Variants in GSE1 observed in about 807,000 individuals in gnomAD.
GSE1 encodes Gse1 coiled-coil protein, also known as genetic suppressor element 1.
A neutral mutation model predicts 112.6 loss-of-function variants in GSE1; 32 were observed. That is an observed-to-expected ratio of 0.28 (90% CI 0.21 to 0.38). The LOEUF (loss-of-function observed/expected upper bound fraction) is 0.38. Ranked by LOEUF, GSE1 falls within the 10% of genes least tolerant of loss-of-function variation. GSE1 has a pLI of 1.00. For missense variants in GSE1, 2,348 were observed against 1,699.2 expected (o/e 1.38, Z -6.71); for synonymous variants, 1,115 against 735.6 (o/e 1.52, Z -8.35).
At chr16:85,403,544 C>G (rs1229533946) in intron 2 of GSE1, among the ~76,000 whole-genome samples, 2 of 152,194 alleles carry the variant, frequency 1.3e-5, no homozygotes, top group Admixed American at 1.3e-4. Context: ...AATCCCAGCA[C>G]TTTGGGAGGC....
In GSE1 at chr16:85,656,685, C is replaced by T; in HGVS notation, c.1312+20C>T. 6.8e-7 allele frequency: 1 copy of T among 1,477,320 alleles called. No individual in the cohort carries two copies. The highest frequency in any genetic ancestry group is 9.0e-7 in the Non-Finnish European group (1 of 1,116,078). 91.5% of individuals were successfully genotyped at this position (1,477,320 alleles called of 1,614,324 possible). On this transcript the variant is annotated intron_variant, in intron 7 of 15. Transcript: ENST00000253458. ...GAGCAGGTACCTGGGCGTGGGTGGG[C>T]TGTGCTGGGCAAGGTCTCAGCCACC...
intron 1 of GSE1, among the ~76,000 whole-genome samples, chr16:85,204,809 C>T (rs1451252496): frequency 6.6e-6 from 1 of 152,190 alleles, no homozygotes; most frequent in Non-Finnish European, 1.5e-5. Flanking sequence ...CCAGGCCTGC[C>T]CCCCAGTCCC....
chr16:85,654,450 A>T lies in GSE1; in HGVS notation c.599A>T (p.Asn200Ile). 1 of 1,564,158 alleles carries T rather than the reference A, an allele frequency of 6.4e-7. No individual in the cohort carries two copies. Among genetic ancestry groups the T allele is most frequent in the Non-Finnish European group, 8.7e-7 (1 of 1,153,752 alleles). Reference sequence around the variant, plus strand: ...CAGGATTCCCGCTTCCCGCCACTCAAGTAAGTTGGTCGGCGGGGACTTCGG... The same window carrying T: ...CAGGATTCCCGCTTCCCGCCACTCATGTAAGTTGGTCGGCGGGGACTTCGG... Reference protein sequence around the residue: ...VVQDSRFPPLNLQRPVHHVVP... With the variant: ...VVQDSRFPPLILQRPVHHVVP... Residue 200 changes from asparagine to isoleucine, a missense_variant and splice_region_variant, in exon 4 of 16, where the codon AAC becomes ATC. By Grantham distance (149) the Asn-to-Ile change is moderately radical. Transcript: ENST00000253458.
chr16:85,436,992 G>A (rs897696450), intron 2 of GSE1, among the ~76,000 whole-genome samples: 6 of 152,230 alleles, frequency 3.9e-5, no homozygotes, highest in Admixed American at 2.0e-4. Flanking sequence ...TCGACGCGGC[G>A]GAGCCCGGGC....
chr16:85,516,734 C>T (rs1598031191), intron 2 of GSE1, among the ~76,000 whole-genome samples: 1 of 151,334 alleles, frequency 6.6e-6, no homozygotes, highest in Non-Finnish European at 1.5e-5. Flanking sequence ...AGGTGGTATT[C>T]GTAGCGTTAC....
chr16:85,618,220 G>A (rs1052270456), intron 1 of GSE1, among the ~76,000 whole-genome samples: 6 of 152,044 alleles, frequency 3.9e-5, no homozygotes, highest in South Asian at 2.1e-4. Flanking sequence ...AGGGGGGTGC[G>A]TGCTAATGGT....
At chr16:85,358,630 C>G (rs150131957) in intron 2 of GSE1, among the ~76,000 whole-genome samples, 1 of 152,164 alleles carries the variant, frequency 6.6e-6, no homozygotes, top group Non-Finnish European at 1.5e-5. Flanking sequence ...TGATCTGGGA[C>G]CTCCATCTGC....
chr16:85,330,612 C>T (rs1025092509), intron 1 of GSE1, among the ~76,000 whole-genome samples: 1 of 152,212 alleles, frequency 6.6e-6, no homozygotes, highest in Admixed American at 6.5e-5. Flanking sequence ...CTGCCTCTGC[C>T]GATCCAGGAA....
chr16:85,260,705 GC>G (rs1021866676), intron 1 of GSE1, among the ~76,000 whole-genome samples: 1 of 152,198 alleles, frequency 6.6e-6, no homozygotes, highest in African/African-American at 2.4e-5. Flanking sequence ...GCCCTTTCTG[GC>G]CCCCCGTGCT....
At chr16:85,463,140 C>T in intron 2 of GSE1, 1 of 982,980 alleles carries the variant, frequency 1.0e-6, no homozygotes, top group Non-Finnish European at 1.2e-6. Context: ...GTGCCCAGCT[C>T]ACCGCCCCGT....
intron 2 of GSE1, among the ~76,000 whole-genome samples, chr16:85,543,477 T>C (rs745307063): frequency 2.6e-5 from 4 of 152,174 alleles, no homozygotes; most frequent in Non-Finnish European, 1.5e-5. Context: ...GCCCACCCCA[T>C]AGAGTCCACA....
intron 1 of GSE1, among the ~76,000 whole-genome samples, chr16:85,350,702 A>G (rs770500861): frequency 3.9e-4 from 60 of 152,214 alleles, no homozygotes; most frequent in Non-Finnish European, 7.3e-4. Flanking sequence ...AGAACCTGCT[A>G]TGTTCCAAGT....
intron 2 of GSE1, among the ~76,000 whole-genome samples, chr16:85,404,644 C>T (rs1489128644): frequency 1.8e-5 from 1 of 55,612 alleles, no homozygotes; most frequent in African/African-American, 1.2e-4. Context: ...GGATAATCCT[C>T]GCTGTTACTC....
intron 1 of GSE1, among the ~76,000 whole-genome samples, chr16:85,240,728 C>G (rs375624436): frequency 6.6e-6 from 1 of 152,222 alleles, no homozygotes; most frequent in East Asian, 1.9e-4. Flanking sequence ...TGCCATTGTC[C>G]TGAGCAGAGT....
At chr16:85,376,104 C>G (rs7185175) in intron 2 of GSE1, among the ~76,000 whole-genome samples, 3 of 152,244 alleles carry the variant, frequency 2.0e-5, no homozygotes, top group Admixed American at 1.3e-4. Context: ...ACGGTCCTCA[C>G]CCCCGCCAAA....
At chr16:85,367,583 T>A (rs2047210647) in intron 2 of GSE1, among the ~76,000 whole-genome samples, 1 of 152,136 alleles carries the variant, frequency 6.6e-6, no homozygotes, top group Non-Finnish European at 1.5e-5. Context: ...CGCAGAGGCC[T>A]AAGGAGGTGG....
intron 1 of GSE1, among the ~76,000 whole-genome samples, chr16:85,331,653 ATG>A (rs1409447646): frequency 8.7e-6 from 1 of 114,988 alleles, no homozygotes. Flanking sequence ...GTATATATAT[ATG>A]TGTATATGTG....
chr16:85,203,335 A>AGGT (rs1265207604), intron 1 of GSE1, among the ~76,000 whole-genome samples: 1 of 152,156 alleles, frequency 6.6e-6, no homozygotes, highest in African/African-American at 2.4e-5. Flanking sequence ...ACCTGTGTCC[A>AGGT]GGTCCAGTCT....
chr16:85,654,531 G>A (rs557730620), intron 4 of GSE1, 81 bp downstream of exon 4: 30 of 1,230,040 alleles, frequency 2.4e-5, no homozygotes, highest in African/African-American at 6.0e-5. Flanking sequence ...GGCAGCCTGC[G>A]GTCTGCACAG....
Sources: gnomAD v4.1 joint callset for allele counts (sites outside exome capture counted in the v4.1 genomes callset) on GRCh38, gnomAD v4.1.1 for gene constraint, MANE v1.5 for transcripts, NCBI Gene and HGNC (gene_info 2026-07-23, HGNC 2026-07-21) for gene names.